The following FHL5 variants were observed in gnomAD, a reference collection of about 807,000 sequenced individuals.
FHL5 encodes the protein four and a half LIM domains protein 5.
In FHL5, 33 loss-of-function variants were observed where a neutral mutation model predicts 32.0. The ratio of observed to expected loss-of-function variants is 1.03; its 90% CI spans 0.78 to 1.38. FHL5 has a LOEUF of 1.38. Among genes scored for constraint, FHL5 ranks in the 40% most tolerant of loss-of-function variants. The pLI, the probability that FHL5 is intolerant of heterozygous loss-of-function variation, is 0.00. For missense variants in FHL5, 336 were observed against 343.9 expected, an observed-to-expected ratio of 0.98 and a Z score of 0.18; for synonymous variants, 114 against 113.6, an observed-to-expected ratio of 1.00 and a Z score of -0.02.
At chr6:96,606,178 C>A (rs1582478806) in intron 4 of FHL5, 107 bp downstream of exon 4, 3 of 905,804 alleles carry the variant, frequency 3.3e-6, no homozygotes, top group Non-Finnish European at 3.4e-6. Flanking sequence ...CTGTAATCAA[C>A]ACACCCATGG....
Position 96,611,256 on chromosome 6 carries a change from A to T in FHL5, c.691+498A>T, listed in dbSNP as rs2127975447. Among the ~76,000 whole-genome samples the T allele has an allele frequency of 1.3e-5, 2 of 152,338 alleles. 1 individual carries two copies. The highest frequency in any genetic ancestry group is 4.1e-4 in the South Asian group (2 of 4,830). On this transcript the variant is annotated intron_variant, in intron 5 of 5. Transcript: ENST00000450218. ...GGTAGCATAGGTCAGTAATTAATTA[A>T]ACTTCATTTTAAGATGCTTCTAACA...
At chr6:96,574,304 A>T (rs1255098462) in intron 1 of FHL5, among the ~76,000 whole-genome samples, 1 of 152,234 alleles carries the variant, frequency 6.6e-6, no homozygotes, top group Non-Finnish European at 1.5e-5. Context: ...TGTACTTTTA[A>T]ACTTGAGATT....
At chr6:96,605,723 C>A (rs1771261832) in intron 3 of FHL5, among the ~76,000 whole-genome samples, 179 bp from the exon 4 acceptor site, 1 of 151,622 alleles carries the variant, frequency 6.6e-6, no homozygotes. Context: ...ACTTTATTAA[C>A]CATTTTTTTT....
intron 1 of FHL5, among the ~76,000 whole-genome samples, chr6:96,598,550 G>T (rs1294782006): frequency 6.6e-6 from 1 of 152,114 alleles, no homozygotes; most frequent in Non-Finnish European, 1.5e-5. Context: ...TCTTTAAGGG[G>T]GTGGCTTTCA....
rs1398718163 is a variant in FHL5, at chr6:96,617,654, G to A, written c.*1882G>A. ...GCACATTACACATAGAGAAAACCAA[G>A]CCACTTAGGTTTAGATAGATATATA... On this transcript the variant is annotated 3_prime_UTR_variant, in exon 6 of 6. Coordinates refer to ENST00000450218, the MANE Select transcript of FHL5 (RefSeq NM_001322466.2). Among the ~76,000 whole-genome samples the A allele has an allele frequency of 1.3e-5, 2 of 152,014 alleles. No homozygotes were observed. The highest frequency in any genetic ancestry group is 4.8e-5 in the African/African-American group (2 of 41,404).
At chr6:96,596,928 A>ACT (rs146109364) in intron 1 of FHL5, among the ~76,000 whole-genome samples, 24 of 148,698 alleles carry the variant, frequency 1.6e-4, no homozygotes, top group African/African-American at 5.9e-4. Flanking sequence ...TTTCAGAATG[A>ACT]CTCTCTCTCT....
At chr6:96,588,469 G>A (rs983162679) in intron 1 of FHL5, among the ~76,000 whole-genome samples, 1 of 152,170 alleles carries the variant, frequency 6.6e-6, no homozygotes, top group Non-Finnish European at 1.5e-5. Context: ...CCCAAGTGCT[G>A]GGATTACAGG....
intron 1 of FHL5, among the ~76,000 whole-genome samples, chr6:96,600,857 C>T (rs1370016757): frequency 6.6e-6 from 1 of 152,154 alleles, no homozygotes; most frequent in Non-Finnish European, 1.5e-5. Context: ...CTTGAGTGGG[C>T]AGGGAGTTCA....
chr6:96,611,630 G>A (rs1002413372), intron 5 of FHL5, among the ~76,000 whole-genome samples: 1 of 152,090 alleles, frequency 6.6e-6, no homozygotes, highest in Non-Finnish European at 1.5e-5. Flanking sequence ...TCAATTTTTA[G>A]TTGTTCATAT....
At chr6:96,578,441 C>T (rs1169546320) in intron 1 of FHL5, among the ~76,000 whole-genome samples, 3 of 152,172 alleles carry the variant, frequency 2.0e-5, no homozygotes, top group Admixed American at 2.0e-4. Flanking sequence ...AGTCACTAAA[C>T]TGGCATCTAA....
At chr6:96,583,646 C>G (rs1770739442) in intron 1 of FHL5, among the ~76,000 whole-genome samples, 2 of 152,050 alleles carry the variant, frequency 1.3e-5, no homozygotes, top group Non-Finnish European at 2.9e-5. Context: ...ATCTTGTCAA[C>G]AGATTAACCA....
At chr6:96,608,384 A>G (rs1771329345) in intron 4 of FHL5, among the ~76,000 whole-genome samples, 1 of 152,150 alleles carries the variant, frequency 6.6e-6, no homozygotes, top group Non-Finnish European at 1.5e-5. Flanking sequence ...TTTTTTATTT[A>G]GTTTTTAAAA....
chr6:96,590,685 A>G (rs1770897240), intron 1 of FHL5, among the ~76,000 whole-genome samples: 1 of 152,098 alleles, frequency 6.6e-6, no homozygotes, highest in Non-Finnish European at 1.5e-5. Flanking sequence ...TAATCCGAGT[A>G]AAAGCTATCA....
intron 1 of FHL5, among the ~76,000 whole-genome samples, chr6:96,571,518 G>A (rs538625185): frequency 2.0e-5 from 3 of 152,258 alleles, no homozygotes; most frequent in South Asian, 2.1e-4. Context: ...GGAGTTTTCA[G>A]CTCAGTATCT....
chr6:96,601,207 G>A lies in FHL5; in HGVS notation c.-12-2395G>A, dbSNP rs545311810. Among the ~76,000 whole-genome samples the A allele has an allele frequency of 6.6e-5, 10 of 152,214 alleles. No individual in the cohort carries two copies. The South Asian group carries it at 1.7e-3, about 25-fold the overall frequency. On this transcript the variant is annotated intron_variant, in intron 1 of 5. Coordinates refer to ENST00000450218, the MANE Select transcript of FHL5 (RefSeq NM_001322466.2). Reference sequence around the variant, plus strand: ...AAATTAGCCAGGCACGGTGGCATGAGCCTGTAGTCCCAGCTACTCAGGAGG... The same window carrying A: ...AAATTAGCCAGGCACGGTGGCATGAACCTGTAGTCCCAGCTACTCAGGAGG...
At chr6:96,600,864 T>C (rs1771132975) in intron 1 of FHL5, among the ~76,000 whole-genome samples, 1 of 151,668 alleles carries the variant, frequency 6.6e-6, no homozygotes, top group South Asian at 2.1e-4. Flanking sequence ...GGGCAGGGAG[T>C]TCAAATCACT....
chr6:96,609,155 G>T (rs1432194501), intron 4 of FHL5, among the ~76,000 whole-genome samples: 2 of 151,926 alleles, frequency 1.3e-5, no homozygotes, highest in African/African-American at 4.8e-5. Flanking sequence ...TAAGATATTT[G>T]TTATAAGATT....
rs188708801 is a variant in FHL5 at position 96,612,657 on chromosome 6, T to C, written c.691+1899T>C. 2.1e-3 allele frequency among the ~76,000 whole-genome samples: 323 copies of C among 152,212 alleles called. 1 individual carries two copies. The highest frequency in any genetic ancestry group is 5.1e-3 in the African/African-American group (211 of 41,518). ...AGTAAATAATCTGACCCAAAAGTAATCTAAATTTTACCCAAAAGTAATCTA... is the reference window on the plus strand; with the variant it reads ...AGTAAATAATCTGACCCAAAAGTAACCTAAATTTTACCCAAAAGTAATCTA... On this transcript the variant is annotated intron_variant, in intron 5 of 5. Transcript: ENST00000450218.
At position 96,600,093 on chromosome 6, in the gene FHL5, A is replaced by G. The variant is rs186755462; in HGVS notation, c.-12-3509A>G. Among the ~76,000 whole-genome samples the G allele has an allele frequency of 1.2e-3, 190 of 152,316 alleles. 1 individual carries two copies. The highest frequency in any genetic ancestry group is 9.8e-4 in the Non-Finnish European group (67 of 68,034). ...TTAATGTTAGTGACAAAGAGGAGGA[A>G]AAAGTAAAGAATAATGTTTAGAAAA... On this transcript the variant is annotated intron_variant, in intron 1 of 5. Coordinates refer to ENST00000450218, the MANE Select transcript of FHL5 (RefSeq NM_001322466.2).
Sources: gnomAD v4.1 joint callset for allele counts (sites outside exome capture counted in the v4.1 genomes callset) on GRCh38, gnomAD v4.1.1 for gene constraint, MANE v1.5 for transcripts, NCBI Gene and HGNC (gene_info 2026-07-23, HGNC 2026-07-21) for gene names.